Variants in GPR176 observed in about 807,000 individuals in gnomAD.
GPR176 encodes the protein G-protein coupled receptor 176.
GPR176 carries 26 observed loss-of-function variants against 35.4 expected under a neutral mutation model. The observed-to-expected ratio is 0.74, with a 90% CI of 0.54 to 1.02. The LOEUF is 1.02. Among genes scored for constraint, GPR176 ranks in the 50% least tolerant of loss-of-function variants. The probability of loss-of-function intolerance (pLI) is 0.00; values close to 1 mark genes in which losing one functional copy is unlikely to be tolerated. For synonymous variants in GPR176, 278 were observed against 271.3 expected (o/e 1.02, Z -0.24); for missense variants, 597 against 665.3 (o/e 0.90, Z 1.13).
chr15:39,859,381 C>T (rs1455662838), intron 1 of GPR176, among the ~76,000 whole-genome samples: 2 of 149,248 alleles, frequency 1.3e-5, no homozygotes, highest in East Asian at 4.0e-4. Context: ...AGAGGATATA[C>T]AAATGGCTAA....
chr15:39,906,800 T>C lies in GPR176; in HGVS notation c.172+13055A>G, dbSNP rs927856631. Among the ~76,000 whole-genome samples, 82 of 152,328 alleles carry C rather than the reference T, an allele frequency of 5.4e-4. 1 individual carries two copies. Among genetic ancestry groups the C allele is most frequent in the African/African-American group, 1.8e-3 (75 of 41,568 alleles). ...CCCCTAAGTCTCATGCAAATCAAAA[T>C]AGTGATTAATTAATCATCCTATGTA... On this transcript the variant is annotated intron_variant, in intron 1 of 2. Transcript: ENST00000561100.
At chr15:39,862,715 C>A (rs950532283) in intron 1 of GPR176, among the ~76,000 whole-genome samples, 1 of 152,152 alleles carries the variant, frequency 6.6e-6, no homozygotes, top group Non-Finnish European at 1.5e-5. Flanking sequence ...ACCTGCACTG[C>A]CATTCATATA....
chr15:39,912,149 AT>A (rs2033594508), intron 1 of GPR176, among the ~76,000 whole-genome samples: 1 of 152,174 alleles, frequency 6.6e-6, no homozygotes, highest in Admixed American at 6.5e-5. Flanking sequence ...ATGAGAGTTG[AT>A]TTTTTTAAGA....
chr15:39,892,280 G>C (rs942633605), intron 1 of GPR176, among the ~76,000 whole-genome samples: 2 of 152,144 alleles, frequency 1.3e-5, no homozygotes, highest in Non-Finnish European at 2.9e-5. Context: ...ATCAAAGGTA[G>C]AGCCAAGCAG....
At chr15:39,839,217 G>A (rs373076573) in intron 1 of GPR176, among the ~76,000 whole-genome samples, 17 of 152,052 alleles carry the variant, frequency 1.1e-4, no homozygotes, top group Admixed American at 5.9e-4. Flanking sequence ...GAGGCATCAC[G>A]CTACCTGACT....
At chr15:39,861,413 A>G (rs275748) in intron 1 of GPR176, among the ~76,000 whole-genome samples, 149,874 of 152,044 alleles carry the variant, frequency 0.99, 73,886 homozygotes, top group Middle Eastern at 1. Context: ...AGCTGGGCAT[A>G]GCGGTATGCA....
chr15:39,892,352 A>G (rs1361679827), intron 1 of GPR176, among the ~76,000 whole-genome samples: 5 of 152,362 alleles, frequency 3.3e-5, no homozygotes, highest in Admixed American at 6.5e-5. Context: ...ACATTAAGTA[A>G]TATGACCAAA....
intron 1 of GPR176, chr15:39,909,921 C>T (rs1044403791): frequency 1.0e-6 from 1 of 972,812 alleles, no homozygotes; most frequent in African/African-American, 1.8e-5. Flanking sequence ...CCCGAACTCC[C>T]TTGCAATCCA....
At chr15:39,829,345 G>C in intron 1 of GPR176, 2 of 1,337,588 alleles carry the variant, frequency 1.5e-6, no homozygotes, top group Non-Finnish European at 1.9e-6. Flanking sequence ...GTTCCATGGG[G>C]GCAATGTGTG....
intron 1 of GPR176, among the ~76,000 whole-genome samples, chr15:39,844,538 T>C (rs1375474224): frequency 6.6e-6 from 1 of 151,934 alleles, no homozygotes. Context: ...TCTTTCAATC[T>C]GTTCCGAGGA....
At chr15:39,803,183 T>A (rs1180376841) in intron 2 of GPR176, among the ~76,000 whole-genome samples, 2 of 151,950 alleles carry the variant, frequency 1.3e-5, no homozygotes, top group Non-Finnish European at 2.9e-5. Flanking sequence ...GTGCAGTCAG[T>A]TAATGCTGGG....
chr15:39,873,621 C>CTTT (rs11446640), intron 1 of GPR176, among the ~76,000 whole-genome samples: 1 of 141,810 alleles, frequency 7.1e-6, no homozygotes, highest in East Asian at 2.0e-4. Context: ...TTTTTCTTTT[C>CTTT]TTTTTTTTTT....
At chr15:39,822,893 T>C (rs1348842811) in intron 1 of GPR176, among the ~76,000 whole-genome samples, 1 of 152,176 alleles carries the variant, frequency 6.6e-6, no homozygotes, top group Non-Finnish European at 1.5e-5. Context: ...TCACTAACAC[T>C]GAGGGCTAGG....
rs916661037 is a variant in GPR176, at chr15:39,882,482, T to A, written c.172+37373A>T. Among the ~76,000 whole-genome samples the A allele has an allele frequency of 3.9e-5, 6 of 152,214 alleles. No homozygotes were observed. The South Asian group carries it at 6.2e-4, about 16-fold the overall frequency. ...TCTATGTGTTACCAAGAACCCAATC[T>A]ACGGAAGAGACTTTTCATGAGTTAA... is the stretch of plus-strand genomic sequence containing the variant. On this transcript the variant is annotated intron_variant, in intron 1 of 2. Transcript: ENST00000561100.
Position 39,840,801 on chromosome 15 carries a change from C to A in GPR176, c.173-33543G>T, listed in dbSNP as rs548347828. ...CAGAAAAAAATTTAAAAAAATAGCC[C>A]ATGAGGAAGTTGGAAGGGCAATCCA... On this transcript the variant is annotated intron_variant, in intron 1 of 2. Coordinates refer to ENST00000561100, the MANE Select transcript of GPR176 (RefSeq NM_007223.3). Among the ~76,000 whole-genome samples, 4 of 152,016 alleles carry A rather than the reference C, an allele frequency of 2.6e-5. 1 individual carries two copies. The South Asian group carries it at 6.2e-4, about 24-fold the overall frequency.
intron 1 of GPR176, among the ~76,000 whole-genome samples, chr15:39,869,001 T>C (rs1430997321): frequency 7.9e-6 from 1 of 125,918 alleles, no homozygotes; most frequent in African/African-American, 3.6e-5. Context: ...CAAAATTCTG[T>C]CTCAAAAAAA....
chr15:39,817,594 T>C (rs1292836240), intron 1 of GPR176, among the ~76,000 whole-genome samples: 1 of 152,242 alleles, frequency 6.6e-6, no homozygotes, highest in African/African-American at 2.4e-5. Context: ...CGTGATGGAA[T>C]GGGATAATCC....
At chr15:39,836,490 C>T (rs564370247) in intron 1 of GPR176, among the ~76,000 whole-genome samples, 8 of 152,246 alleles carry the variant, frequency 5.3e-5, no homozygotes, top group African/African-American at 1.9e-4. Context: ...CAGATGTTGG[C>T]ACCATGCTTC....
intron 1 of GPR176, among the ~76,000 whole-genome samples, chr15:39,901,888 A>G (rs1326064622): frequency 6.6e-6 from 1 of 151,738 alleles, no homozygotes; most frequent in East Asian, 1.9e-4. Context: ...AGCCTGGCCA[A>G]TATGTTGAAA....
Sources: allele counts gnomAD v4.1 joint callset (sites outside exome capture counted in the v4.1 genomes callset), GRCh38; gene constraint gnomAD v4.1.1; transcripts MANE v1.5; gene names NCBI Gene and HGNC (gene_info 2026-07-23, HGNC 2026-07-21).